Variants in THADA observed in about 807,000 individuals in gnomAD.
The protein encoded by THADA is tRNA (32-2'-O)-methyltransferase regulator THADA.
In THADA, 213 loss-of-function variants were observed where a neutral mutation model predicts 219.8. That is an observed-to-expected ratio of 0.97 (90% CI 0.87 to 1.09). The LOEUF (loss-of-function observed/expected upper bound fraction) is 1.09, where lower values mean the gene tolerates loss of function less well. Among genes scored for constraint, THADA ranks in the 50% least tolerant of loss-of-function variants. THADA has a pLI of 0.00. For missense variants in THADA, 2,956 were observed against 2,311.3 expected (o/e 1.28, Z -5.72); for synonymous variants, 1,018 against 828.9 (o/e 1.23, Z -3.92).
At chr2:43,279,073 GC>G (rs1196177314) in intron 36 of THADA, among the ~76,000 whole-genome samples, 3 of 152,078 alleles carry the variant, frequency 2.0e-5, no homozygotes, top group Non-Finnish European at 4.4e-5. Context: ...TACTCCATCT[GC>G]CCCCATCTCT....
At chr2:43,557,937 C>T (rs547180590) in intron 16 of THADA, among the ~76,000 whole-genome samples, 1 of 152,060 alleles carries the variant, frequency 6.6e-6, no homozygotes, top group East Asian at 1.9e-4. Context: ...AGTTTATTTT[C>T]TATGACCTAA....
At chr2:43,577,392 A>G (rs1699973165) in intron 9 of THADA, 150 bp from the exon 10 acceptor site, 11 of 678,952 alleles carry the variant, frequency 1.6e-5, no homozygotes, top group Non-Finnish European at 2.7e-5. Flanking sequence ...TGTCATGATT[A>G]TTGTATTAGT....
chr2:43,587,123 A>G, intron 4 of THADA, 121 bp from the exon 5 acceptor site: 2 of 998,484 alleles, frequency 2.0e-6, no homozygotes, highest in Non-Finnish European at 2.9e-6. Flanking sequence ...CAGCCAGAAA[A>G]CTACAACTAC....
intron 26 of THADA, among the ~76,000 whole-genome samples, chr2:43,433,795 C>T (rs1243178813): frequency 6.6e-6 from 1 of 152,106 alleles, no homozygotes; most frequent in African/African-American, 2.4e-5. Context: ...TCAAGCAATT[C>T]TCGTGCCTCA....
chr2:43,381,324 T>C (rs1394690644), intron 29 of THADA, among the ~76,000 whole-genome samples: 1 of 151,802 alleles, frequency 6.6e-6, no homozygotes, highest in Non-Finnish European at 1.5e-5. Flanking sequence ...AACAAATAAA[T>C]AAATGGGAGA....
Position 43,577,044 on chromosome 2 carries a change from C to T in THADA, c.1015G>A (p.Val339Ile). Residue 339 changes from valine (V) to isoleucine (I), a missense_variant, in exon 10 of 38, where the codon GTT (valine) becomes ATT (isoleucine). Physicochemically the swap from Val to Ile is conservative, Grantham distance 29. Coordinates refer to ENST00000405975, the MANE Select transcript of THADA (RefSeq NM_022065.5). ...GEALLLDTAH[V>I]LFTLSSQIKE... ...CACTGTGAACTCAAGGTGAACAAAA[C>T]ATGTGCAGTATCCAAGAGCAGGGCC... 6.2e-7 allele frequency: 1 copy of T among 1,613,174 alleles called. No homozygotes were observed. Among genetic ancestry groups the T allele is most frequent in the Non-Finnish European group, 8.5e-7 (1 of 1,179,620 alleles).
At chr2:43,359,833 A>G (rs1007769462) in intron 29 of THADA, among the ~76,000 whole-genome samples, 1 of 150,870 alleles carries the variant, frequency 6.6e-6, no homozygotes, top group Non-Finnish European at 1.5e-5. Flanking sequence ...TGTGTTGCCC[A>G]GGCTGGACTC....
chr2:43,233,661 G>A (rs938032213), intron 36 of THADA, among the ~76,000 whole-genome samples: 1 of 152,110 alleles, frequency 6.6e-6, no homozygotes, highest in Admixed American at 6.5e-5. Flanking sequence ...ATAGAAGGGT[G>A]CAGAAAGAGG....
chr2:43,452,088 C>A (rs1421052054), intron 26 of THADA, among the ~76,000 whole-genome samples: 2 of 152,156 alleles, frequency 1.3e-5, no homozygotes, highest in African/African-American at 4.8e-5. Context: ...GCCTTGGTGA[C>A]AGAGCGAGAC....
At chr2:43,337,463 G>A (rs975186282) in intron 30 of THADA, among the ~76,000 whole-genome samples, 8 of 152,138 alleles carry the variant, frequency 5.3e-5, no homozygotes, top group South Asian at 2.1e-4. Flanking sequence ...CTCCTCATAC[G>A]AAGCTTGGCA....
At chr2:43,427,873 G>A (rs1281168683) in intron 28 of THADA, among the ~76,000 whole-genome samples, 1 of 149,524 alleles carries the variant, frequency 6.7e-6, no homozygotes, top group East Asian at 1.9e-4. Flanking sequence ...GAAGAATGGC[G>A]TGAACCTGGG....
intron 26 of THADA, among the ~76,000 whole-genome samples, chr2:43,431,675 T>G (rs1573612911): frequency 2.6e-5 from 1 of 38,368 alleles, no homozygotes; most frequent in Non-Finnish European, 4.7e-5. Context: ...TTTTTTTTTT[T>G]TTTTTTTGAG....
chr2:43,345,463 C>G (rs1667534451), intron 29 of THADA, among the ~76,000 whole-genome samples: 1 of 152,126 alleles, frequency 6.6e-6, no homozygotes, highest in South Asian at 2.1e-4. Context: ...CACACAAGTC[C>G]CAATGTGGAG....
At position 43,444,353 on chromosome 2, in the gene THADA, C is replaced by T. The variant is rs1422204625; in HGVS notation, c.3837-14051G>A. ...AACATTTGTCTGGCCATACATTCCT[C>T]CGGAGCACTAACCTTGACACCAAGA... On this transcript the variant is annotated intron_variant, in intron 26 of 37. Transcript: ENST00000405975. Among the ~76,000 whole-genome samples, 3 of 152,308 alleles carry T rather than the reference C, an allele frequency of 2.0e-5. No individual in the cohort carries two copies. In the East Asian group the frequency reaches 5.8e-4, roughly 29 times the overall value.
At chr2:43,402,286 C>A (rs995198076) in intron 28 of THADA, among the ~76,000 whole-genome samples, 5 of 152,162 alleles carry the variant, frequency 3.3e-5, no homozygotes, top group African/African-American at 1.2e-4. Context: ...CCCATGCAGA[C>A]ATTCACAGCC....
At chr2:43,564,958 T>C (rs922598875) in intron 15 of THADA, 2 of 152,286 alleles carry the variant, frequency 1.3e-5, no homozygotes, top group African/African-American at 4.8e-5. Flanking sequence ...GCTTCCCAGA[T>C]TGTAGGAAGC....
At chr2:43,560,107 C>G in intron 16 of THADA, 127 bp downstream of exon 16, 1 of 752,966 alleles carries the variant, frequency 1.3e-6, no homozygotes, top group Non-Finnish European at 2.0e-6. Context: ...TTAATGATAA[C>G]TGAAAGAAAC....
In THADA at chr2:43,398,123, C is replaced by G. The variant is rs1674323178; in HGVS notation, c.4075G>C (p.Val1359Leu). 1 of 1,613,856 alleles carries G rather than the reference C, an allele frequency of 6.2e-7. No individual in the cohort carries two copies. The highest frequency in any genetic ancestry group is 8.5e-7 in the Non-Finnish European group (1 of 1,179,764). Residue 1359 changes from valine to leucine, a missense_variant, in exon 29 of 38, where the codon GTC becomes CTC. Physicochemically the swap from Val to Leu is conservative, Grantham distance 32 (BLOSUM62 1). Coordinates refer to ENST00000405975, the MANE Select transcript of THADA (RefSeq NM_022065.5). ...GCTGCCATTTCACGGGAGTGGTAGA[C>G]AGGTGAGTGACCACACCTGGGGAGA... ...PFIMRCGHSP[V>L]YHSREMAARA...
intron 26 of THADA, among the ~76,000 whole-genome samples, chr2:43,471,370 T>C (rs1197575893): frequency 2.0e-5 from 3 of 151,736 alleles, no homozygotes; most frequent in African/African-American, 4.8e-5. Context: ...TACAAAAAAT[T>C]ATAAAAATTC....
Sources: gnomAD v4.1 joint callset for allele counts (sites outside exome capture counted in the v4.1 genomes callset) on GRCh38, gnomAD v4.1.1 for gene constraint, MANE v1.5 for transcripts, NCBI Gene and HGNC (gene_info 2026-07-23, HGNC 2026-07-21) for gene names.